Variants in NTM observed in about 807,000 individuals in gnomAD.
NTM encodes IgLON family member 2.
Under a neutral mutation model 42.1 loss-of-function variants are expected in NTM, and 13 were observed. That is an observed-to-expected ratio of 0.31 (90% confidence interval 0.20 to 0.49). NTM has a LOEUF of 0.49. NTM is among the 20% of genes least tolerant of loss of function. The pLI is 0.99. For synonymous variants in NTM, 187 were observed against 179.2 expected, an observed-to-expected ratio of 1.04 and a Z score of -0.35; for missense variants, 373 against 452.8, an observed-to-expected ratio of 0.82 and a Z score of 1.60.
At chr11:131,425,335 G>A (rs751172405) in intron 1 of NTM, among the ~76,000 whole-genome samples, 3 of 152,092 alleles carry the variant, frequency 2.0e-5, no homozygotes, top group East Asian at 1.9e-4. Flanking sequence ...AGTTCCTGCC[G>A]CGAGTTACAA....
At chr11:131,397,792 C>T (rs1161494174) in intron 1 of NTM, among the ~76,000 whole-genome samples, 3 of 152,168 alleles carry the variant, frequency 2.0e-5, no homozygotes, top group African/African-American at 7.2e-5. Context: ...TTGTACGTGT[C>T]CCCAGTTCTT....
At chr11:131,952,825 A>G (rs1422964203) in intron 2 of NTM, among the ~76,000 whole-genome samples, 1 of 152,176 alleles carries the variant, frequency 6.6e-6, no homozygotes, top group Non-Finnish European at 1.5e-5. Flanking sequence ...GATAGCTCTG[A>G]CTGGTGACCA....
At chr11:131,490,567 A>G (rs781139412) in intron 1 of NTM, among the ~76,000 whole-genome samples, 1 of 152,220 alleles carries the variant, frequency 6.6e-6, no homozygotes, top group African/African-American at 2.4e-5. Flanking sequence ...TGAAGCATCC[A>G]GAAAGGCCTT....
chr11:131,885,593 C>T (rs557369641), intron 1 of NTM, among the ~76,000 whole-genome samples: 96 of 152,334 alleles, frequency 6.3e-4, no homozygotes, highest in African/African-American at 2.2e-3. Context: ...AGCCTGCCCC[C>T]ACCCCATCCA....
At chr11:131,436,540 G>A (rs898016152) in intron 1 of NTM, among the ~76,000 whole-genome samples, 5 of 152,056 alleles carry the variant, frequency 3.3e-5, no homozygotes, top group South Asian at 4.2e-4. Flanking sequence ...AAATTTATCC[G>A]TTTCTTCTAG....
At chr11:131,470,246 C>T (rs1478128145) in intron 1 of NTM, among the ~76,000 whole-genome samples, 3 of 152,144 alleles carry the variant, frequency 2.0e-5, no homozygotes, top group Admixed American at 6.5e-5. Context: ...CCATATGTAC[C>T]GCTTCCAAGA....
chr11:131,479,919 TAAA>T (rs770644945), intron 1 of NTM, among the ~76,000 whole-genome samples: 7 of 152,136 alleles, frequency 4.6e-5, no homozygotes, highest in Non-Finnish European at 7.3e-5. Flanking sequence ...AAATCAATGT[TAAA>T]AAAGTATTAA....
intron 1 of NTM, among the ~76,000 whole-genome samples, chr11:131,405,914 G>A (rs562309364): frequency 6.6e-6 from 1 of 152,210 alleles, no homozygotes; most frequent in East Asian, 1.9e-4. Flanking sequence ...CTTCTTCCTG[G>A]AAGGTTTTCC....
intron 1 of NTM, among the ~76,000 whole-genome samples, chr11:131,746,132 G>C (rs1012126190): frequency 9.2e-5 from 14 of 152,014 alleles, no homozygotes; most frequent in African/African-American, 2.9e-4. Flanking sequence ...CTCTCCTACT[G>C]CCATGGATAT....
At chr11:131,605,533 G>A (rs559183796) in intron 1 of NTM, among the ~76,000 whole-genome samples, 2 of 152,218 alleles carry the variant, frequency 1.3e-5, no homozygotes, top group South Asian at 2.1e-4. Flanking sequence ...CTCCAATCTG[G>A]ATGCATTTTA....
intron 1 of NTM, among the ~76,000 whole-genome samples, chr11:131,545,796 AG>A (rs2053858500): frequency 1.3e-5 from 2 of 152,190 alleles, no homozygotes; most frequent in African/African-American, 4.8e-5. Flanking sequence ...CGTCAAGTAG[AG>A]GAGGGGCAGG....
At chr11:131,953,759 G>A (rs200512315) in intron 2 of NTM, among the ~76,000 whole-genome samples, 1 of 151,992 alleles carries the variant, frequency 6.6e-6, no homozygotes, top group East Asian at 1.9e-4. Flanking sequence ...AAGAGAGTGA[G>A]GGAAAAAAGA....
chr11:131,523,307 C>T (rs2050002524), intron 1 of NTM, among the ~76,000 whole-genome samples: 1 of 152,106 alleles, frequency 6.6e-6, no homozygotes, highest in South Asian at 2.1e-4. Flanking sequence ...GAATGGCTTC[C>T]CAAAAGCAAA....
intron 1 of NTM, among the ~76,000 whole-genome samples, chr11:131,557,340 T>C (rs1463266020): frequency 6.6e-6 from 1 of 152,150 alleles, no homozygotes; most frequent in African/African-American, 2.4e-5. Flanking sequence ...CACCTGATCA[T>C]TGACGCCCCG....
At chr11:131,916,446 G>A (rs1337537668) in intron 2 of NTM, among the ~76,000 whole-genome samples, 1 of 152,186 alleles carries the variant, frequency 6.6e-6, no homozygotes, top group African/African-American at 2.4e-5. Context: ...CATAGGCTTA[G>A]CGATTGGATG....
At chr11:131,990,395 C>A (rs187190550) in intron 2 of NTM, among the ~76,000 whole-genome samples, 40 of 152,136 alleles carry the variant, frequency 2.6e-4, no homozygotes, top group African/African-American at 8.9e-4. Flanking sequence ...ATTTCATATT[C>A]TTTTAGGTGA....
intron 1 of NTM, among the ~76,000 whole-genome samples, chr11:131,613,953 T>G (rs1206348806): frequency 6.6e-6 from 1 of 152,098 alleles, no homozygotes; most frequent in African/African-American, 2.4e-5. Context: ...GTCTGTGAAA[T>G]TCTCTTTCTA....
At chr11:131,978,257 A>G (rs1285559015) in intron 2 of NTM, among the ~76,000 whole-genome samples, 1 of 152,218 alleles carries the variant, frequency 6.6e-6, no homozygotes, top group East Asian at 1.9e-4. Flanking sequence ...AACCATCACA[A>G]ATTGAATTTA....
chr11:132,219,532 G>A (rs899373655), intron 4 of NTM, among the ~76,000 whole-genome samples: 1 of 151,466 alleles, frequency 6.6e-6, no homozygotes, highest in Non-Finnish European at 1.5e-5. Context: ...ATTATTAAAG[G>A]TAATATAATA....
Sources: gnomAD v4.1 joint callset for allele counts (sites outside exome capture counted in the v4.1 genomes callset) on GRCh38, gnomAD v4.1.1 for gene constraint, MANE v1.5 for transcripts, NCBI Gene and HGNC (gene_info 2026-07-23, HGNC 2026-07-21) for gene names.